Variants in ITGA8 observed in about 807,000 individuals in gnomAD.
The protein encoded by ITGA8 is integrin subunit alpha 8.
ITGA8 carries 91 observed loss-of-function variants against 142.3 expected under a neutral mutation model. The ratio of observed to expected loss-of-function variants is 0.64; its 90% confidence interval spans 0.54 to 0.76. The LOEUF (loss-of-function observed/expected upper bound fraction) is 0.76, where lower values mean the gene tolerates loss of function less well. Among genes scored for constraint, ITGA8 ranks in the 30% least tolerant of loss-of-function variants. The pLI, the probability that ITGA8 is intolerant of heterozygous loss-of-function variation, is 0.00. For missense variants in ITGA8, 1,406 were observed against 1,327.7 expected, an observed-to-expected ratio of 1.06 and a Z score of -0.92; for synonymous variants, 505 against 485.2, an observed-to-expected ratio of 1.04 and a Z score of -0.54.
intron 13 of ITGA8, among the ~76,000 whole-genome samples, chr10:15,620,843 A>C (rs549368773): frequency 6.6e-6 from 1 of 152,230 alleles, no homozygotes; most frequent in Admixed American, 6.5e-5. Context: ...TGTTCTATTT[A>C]TATACACATA....
At chr10:15,619,832 A>G (rs1339123990) in intron 13 of ITGA8, among the ~76,000 whole-genome samples, 4 of 152,364 alleles carry the variant, frequency 2.6e-5, no homozygotes, top group South Asian at 2.1e-4. Flanking sequence ...GCCTGAATCC[A>G]TATCTGTTGA....
At chr10:15,669,117 C>A (rs1344605458) in intron 8 of ITGA8, among the ~76,000 whole-genome samples, 1 of 152,194 alleles carries the variant, frequency 6.6e-6, no homozygotes, top group Non-Finnish European at 1.5e-5. Flanking sequence ...AGAGTGTTTT[C>A]CAACTTGGTT....
intron 4 of ITGA8, among the ~76,000 whole-genome samples, chr10:15,683,271 A>G (rs7921234): frequency 0.73 from 105,472 of 144,084 alleles, 39,840 homozygotes; most frequent in Middle Eastern, 0.9. Context: ...GAATCCACCC[A>G]TCCATCCATC....
At chr10:15,532,994 G>A (rs1036860863) in intron 27 of ITGA8, among the ~76,000 whole-genome samples, 1 of 152,090 alleles carries the variant, frequency 6.6e-6, no homozygotes, top group Non-Finnish European at 1.5e-5. Context: ...ATTCCGTGAC[G>A]ATCATGGTGG....
At chr10:15,651,786 T>TTA (rs1834091086) in intron 11 of ITGA8, among the ~76,000 whole-genome samples, 1 of 152,120 alleles carries the variant, frequency 6.6e-6, no homozygotes, top group Non-Finnish European at 1.5e-5. Flanking sequence ...ATGAAATATA[T>TTA]TATATATATC....
In ITGA8 at chr10:15,600,632, C is replaced by T. The variant is rs778447300; in HGVS notation, c.2119-3333G>A. ...TGACGGATTTGGATCTTATCCTCAA[C>T]GCAATGGGGAGCTAGTGAGGATTTG... is the stretch of plus-strand genomic sequence containing the variant. On this transcript the variant is annotated intron_variant, in intron 20 of 29. Transcript: ENST00000378076. Among the ~76,000 whole-genome samples the T allele has an allele frequency of 7.3e-4, 111 of 152,234 alleles. 1 individual carries two copies. The highest frequency in any genetic ancestry group is 1.4e-3 in the Non-Finnish European group (96 of 68,018).
chr10:15,619,449 C>T (rs190351761), intron 13 of ITGA8, among the ~76,000 whole-genome samples: 11 of 152,184 alleles, frequency 7.2e-5, no homozygotes, highest in East Asian at 3.9e-4. Flanking sequence ...TCAAATAAGT[C>T]GAACAGACGT....
At chr10:15,618,605 C>A (rs962600658) in intron 13 of ITGA8, among the ~76,000 whole-genome samples, 7 of 152,120 alleles carry the variant, frequency 4.6e-5, no homozygotes, top group African/African-American at 1.7e-4. Flanking sequence ...AAGGCCGACC[C>A]ACCCTGAATC....
At chr10:15,572,104 G>T in intron 25 of ITGA8, 107 bp downstream of exon 25, 2 of 896,814 alleles carry the variant, frequency 2.2e-6, no homozygotes, top group Non-Finnish European at 3.3e-6. Context: ...GATCACTGAA[G>T]CAACTTAAAA....
At chr10:15,592,382 C>T in intron 21 of ITGA8, 78 bp from the exon 22 acceptor site, 1 of 1,056,676 alleles carries the variant, frequency 9.5e-7, no homozygotes. Flanking sequence ...CCTGCAAAAC[C>T]CCACCCTGGA....
At chr10:15,581,426 T>C (rs1316034415) in intron 23 of ITGA8, among the ~76,000 whole-genome samples, 1 of 152,194 alleles carries the variant, frequency 6.6e-6, no homozygotes, top group Non-Finnish European at 1.5e-5. Context: ...ATTTCTTCCC[T>C]TGGCTGATTT....
intron 2 of ITGA8, among the ~76,000 whole-genome samples, chr10:15,699,942 A>G (rs1439207217): frequency 6.6e-6 from 1 of 152,084 alleles, no homozygotes; most frequent in African/African-American, 2.4e-5. Flanking sequence ...TTTGTGGACC[A>G]TTCACTTTTT....
intron 19 of ITGA8, 54 bp downstream of exon 19, chr10:15,605,669 TA>T: frequency 7.1e-7 from 1 of 1,407,018 alleles, no homozygotes; most frequent in South Asian, 1.2e-5. Flanking sequence ...AACCTTTACA[TA>T]AATACCTGTA....
intron 13 of ITGA8, among the ~76,000 whole-genome samples, chr10:15,626,858 G>A: frequency 6.6e-6 from 1 of 152,162 alleles, no homozygotes; most frequent in Non-Finnish European, 1.5e-5. Flanking sequence ...CCTTGATCTT[G>A]GACTTGCAGC....
chr10:15,664,500 A>G (rs555703082), intron 8 of ITGA8, among the ~76,000 whole-genome samples: 19 of 98,010 alleles, frequency 1.9e-4, no homozygotes, highest in Non-Finnish European at 3.2e-4. Flanking sequence ...TATTTCATTT[A>G]CTCTTTTTTT....
chr10:15,548,685 A>G, intron 26 of ITGA8, 117 bp from the exon 27 acceptor site: 1 of 604,888 alleles, frequency 1.7e-6, no homozygotes, highest in South Asian at 2.2e-5. Flanking sequence ...ATAAATTATT[A>G]ATGTAAATAA....
chr10:15,583,123 A>T (rs1341683669), intron 23 of ITGA8, among the ~76,000 whole-genome samples: 1 of 152,228 alleles, frequency 6.6e-6, no homozygotes, highest in Non-Finnish European at 1.5e-5. Context: ...TGAAATGCCC[A>T]TCCAGATAGA....
At chr10:15,568,813 T>C (rs1362973453) in intron 25 of ITGA8, among the ~76,000 whole-genome samples, 1 of 152,158 alleles carries the variant, frequency 6.6e-6, no homozygotes, top group Non-Finnish European at 1.5e-5. Flanking sequence ...ATTTAAAAAA[T>C]AGAAGAAAAT....
intron 27 of ITGA8, among the ~76,000 whole-genome samples, chr10:15,536,653 T>C (rs1833445041): frequency 1.3e-5 from 2 of 152,236 alleles, no homozygotes; most frequent in African/African-American, 4.8e-5. Flanking sequence ...TTAATATCCC[T>C]TGGCAACAAT....
Sources: gnomAD v4.1 joint callset for allele counts (sites outside exome capture counted in the v4.1 genomes callset) on GRCh38, gnomAD v4.1.1 for gene constraint, MANE v1.5 for transcripts, NCBI Gene and HGNC (gene_info 2026-07-23, HGNC 2026-07-21) for gene names.